The following MAPKAP1 variants were observed in gnomAD, a reference collection of about 807,000 sequenced individuals.
MAPKAP1 encodes MAPK associated protein 1, also known as target of rapamycin complex 2 subunit MAPKAP1.
Under a neutral mutation model 65.7 loss-of-function variants are expected in MAPKAP1, and 20 were observed. The ratio of observed to expected loss-of-function variants is 0.30; its 90% CI spans 0.21 to 0.44. The LOEUF (loss-of-function observed/expected upper bound fraction) is 0.44. Among genes scored for constraint, MAPKAP1 ranks in the 20% least tolerant of loss-of-function variants. The pLI is 1.00. For missense variants in MAPKAP1, 423 were observed against 648.0 expected (o/e 0.65, Z 3.77); for synonymous variants, 222 against 244.3 (o/e 0.91, Z 0.85).
Position 125,706,967 on chromosome 9 carries a change from T to C in MAPKAP1, c.-70+4A>G. 2.5e-6 allele frequency: 1 copy of C among 394,234 alleles called. No homozygotes were observed. 24.4% of individuals were successfully genotyped at this position (394,234 alleles called of 1,614,324 possible). ...GGGGAGCTGGCGGCTGGGGCAACCT[T>C]TACCTGAAGCTGCTTCCACACTACG... On this transcript the variant is annotated splice_donor_region_variant and intron_variant, in intron 1 of 11. Transcript: ENST00000265960.
chr9:125,437,458 A>C lies in MAPKAP1; in HGVS notation c.*1429T>G, dbSNP rs1253936967. ...ATCGAATATGTCACAAGATTTAATG[A>C]CCAAATTAGTCATTTACATTTTTCA... On this transcript the variant is annotated 3_prime_UTR_variant, in exon 12 of 12. Transcript: ENST00000265960. The C allele has an allele frequency of 6.6e-6, 1 of 152,574 alleles. No individual in the cohort carries two copies. Among genetic ancestry groups the C allele is most frequent in the Non-Finnish European group, 1.5e-5 (1 of 68,040 alleles). The allele number at this position is 152,574 out of a possible 1,614,324, so 9.5% of individuals were successfully genotyped here. A position where few individuals can be genotyped will look rare whatever the true frequency, so the allele number is the denominator to read the frequency against.
In MAPKAP1 at chr9:125,577,952, C is replaced by T. The variant is rs567521431; in HGVS notation, c.671+7603G>A. On this transcript the variant is annotated intron_variant, in intron 5 of 11. Coordinates refer to ENST00000265960, the MANE Select transcript of MAPKAP1 (RefSeq NM_001006617.3). ...GGTGTACCCAACAGCTCATTGAGAA[C>T]AGGCCATGATGACAATGGCGGTTTT... Among the ~76,000 whole-genome samples, 1,464 of 151,882 alleles carry T rather than the reference C, an allele frequency of 9.6e-3. 13 individuals are homozygous for T. Among genetic ancestry groups the T allele is most frequent in the Non-Finnish European group, 0.017 (1,146 of 67,952 alleles).
At chr9:125,694,600 CG>C (rs1447408014) in intron 1 of MAPKAP1, among the ~76,000 whole-genome samples, 2 of 152,216 alleles carry the variant, frequency 1.3e-5, no homozygotes, top group African/African-American at 4.8e-5. Context: ...TCGTTTTCCC[CG>C]CCCCCTCTCC....
At chr9:125,513,634 C>G (rs1325342703) in intron 7 of MAPKAP1, among the ~76,000 whole-genome samples, 2 of 152,164 alleles carry the variant, frequency 1.3e-5, no homozygotes, top group African/African-American at 4.8e-5. Flanking sequence ...TGAGACAATG[C>G]AGGACTTCCC....
intron 7 of MAPKAP1, among the ~76,000 whole-genome samples, chr9:125,537,962 C>T (rs1326195737): frequency 6.6e-6 from 1 of 152,098 alleles, no homozygotes; most frequent in Admixed American, 6.5e-5. Context: ...GCCTTGAGTG[C>T]CCAGGGTCTC....
intron 5 of MAPKAP1, among the ~76,000 whole-genome samples, chr9:125,576,423 C>A (rs999304414): frequency 6.6e-6 from 1 of 152,148 alleles, no homozygotes; most frequent in African/African-American, 2.4e-5. Context: ...TTTCTGTAAA[C>A]CTAAAACTGC....
At chr9:125,613,082 C>A (rs1832648835) in intron 4 of MAPKAP1, among the ~76,000 whole-genome samples, 1 of 152,186 alleles carries the variant, frequency 6.6e-6, no homozygotes, top group Non-Finnish European at 1.5e-5. Flanking sequence ...AGAATAAATA[C>A]TTGAAGAGAC....
intron 11 of MAPKAP1, among the ~76,000 whole-genome samples, chr9:125,440,584 C>G (rs558760787): frequency 6.6e-6 from 1 of 152,298 alleles, no homozygotes; most frequent in East Asian, 1.9e-4. Flanking sequence ...AACCAGAGGG[C>G]TCCCGGGGGA....
At chr9:125,463,421 T>G (rs1424730722) in intron 10 of MAPKAP1, among the ~76,000 whole-genome samples, 2 of 152,266 alleles carry the variant, frequency 1.3e-5, no homozygotes, top group Non-Finnish European at 2.9e-5. Flanking sequence ...AGCTTTAATT[T>G]AATTAGTAAA....
At chr9:125,671,178 G>GA (rs1429539240) in intron 2 of MAPKAP1, among the ~76,000 whole-genome samples, 3 of 152,168 alleles carry the variant, frequency 2.0e-5, no homozygotes, top group Admixed American at 6.5e-5. Flanking sequence ...TTCAACTAGA[G>GA]AACTGAAAAT....
chr9:125,527,778 C>T (rs1292492895), intron 7 of MAPKAP1, among the ~76,000 whole-genome samples: 2 of 152,160 alleles, frequency 1.3e-5, no homozygotes, highest in East Asian at 1.9e-4. Flanking sequence ...TCCTCTGGCT[C>T]CCCAAGGACT....
At chr9:125,614,765 G>A (rs1832698377) in intron 4 of MAPKAP1, among the ~76,000 whole-genome samples, 1 of 152,120 alleles carries the variant, frequency 6.6e-6, no homozygotes, top group Non-Finnish European at 1.5e-5. Flanking sequence ...TAGCTAACTA[G>A]GAACAGAAAG....
intron 4 of MAPKAP1, among the ~76,000 whole-genome samples, chr9:125,651,206 T>C (rs979821713): frequency 6.6e-6 from 1 of 152,186 alleles, no homozygotes; most frequent in Non-Finnish European, 1.5e-5. Flanking sequence ...AGAAATAGAA[T>C]AGACTAACAA....
chr9:125,546,269 C>T (rs965129092), intron 6 of MAPKAP1, among the ~76,000 whole-genome samples: 12 of 152,204 alleles, frequency 7.9e-5, no homozygotes, highest in African/African-American at 2.4e-4. Flanking sequence ...AGAGGTTCTG[C>T]CCTGAGTGCT....
In MAPKAP1 at chr9:125,439,637, G is replaced by C. The variant is rs1852407765; in HGVS notation, c.1444-625C>G. On this transcript the variant is annotated intron_variant, in intron 11 of 11. Transcript: ENST00000265960. The surrounding 1 kb of genome is among the most constrained non-coding windows in gnomAD (Gnocchi z 4.0). The stretch of plus-strand genomic sequence containing the variant: ...TGTGAGGGGGCTGAAAGAGCCCTGT[G>C]TGAAGGGCGGGGCTGCCTCCTGGGC... Among the ~76,000 whole-genome samples the C allele has an allele frequency of 6.6e-6, 1 of 152,276 alleles. No individual in the cohort carries two copies. Among genetic ancestry groups the C allele is most frequent in the Non-Finnish European group, 1.5e-5 (1 of 68,046 alleles).
chr9:125,464,650 GACCCCA>G (rs1459858670), intron 10 of MAPKAP1, among the ~76,000 whole-genome samples: 1 of 152,142 alleles, frequency 6.6e-6, no homozygotes, highest in Non-Finnish European at 1.5e-5. Flanking sequence ...TTCCCTCTGA[GACCCCA>G]GCCTAAGAGG....
rs147887925 is a variant in MAPKAP1, at chr9:125,595,765, T to C, written c.499-10038A>G. Reference sequence around the variant, plus strand: ...CAACCAATGAGAGCAAGAGGAGCCATTGTGAGCAATGGGGAACGCTCCCAG... The same window carrying C: ...CAACCAATGAGAGCAAGAGGAGCCACTGTGAGCAATGGGGAACGCTCCCAG... On this transcript the variant is annotated intron_variant, in intron 4 of 11. Transcript: ENST00000265960. This position sits in a 1 kb window ranked among gnomAD's most constrained non-coding sequence, Gnocchi z 4.0. 3.1e-4 allele frequency: 397 copies of C among 1,280,382 alleles called. No homozygotes were observed. The African/African-American group carries it at 4.9e-3, about 16-fold the overall frequency. 79.3% of individuals were successfully genotyped at this position (1,280,382 alleles called of 1,614,324 possible).
chr9:125,453,316 TC>T (rs1853031767), intron 10 of MAPKAP1, among the ~76,000 whole-genome samples: 1 of 152,278 alleles, frequency 6.6e-6, no homozygotes, highest in Non-Finnish European at 1.5e-5. Context: ...TCTATCTGCC[TC>T]GGCCTCTCAA....
At chr9:125,502,194 C>T (rs146641974) in intron 8 of MAPKAP1, among the ~76,000 whole-genome samples, 13,420 of 151,782 alleles carry the variant, frequency 0.088, 1,121 homozygotes, top group African/African-American at 0.23. Context: ...CTCCACCTCC[C>T]AGGTTCAAGC....
Sources: gnomAD v4.1 joint callset for allele counts (sites outside exome capture counted in the v4.1 genomes callset) on GRCh38, gnomAD v4.1.1 for gene constraint, Gnocchi (gnomAD v3.1) non-coding constraint, MANE v1.5 for transcripts, NCBI Gene and HGNC (gene_info 2026-07-23, HGNC 2026-07-21) for gene names.